Variants in SLC44A3 observed in about 807,000 individuals in gnomAD.
The protein encoded by SLC44A3 is solute carrier family 44 member 3, also known as choline transporter-like protein 3.
A neutral mutation model predicts 75.4 loss-of-function variants in SLC44A3; 74 were observed. The ratio of observed to expected loss-of-function variants is 0.98; its 90% CI spans 0.81 to 1.19. The LOEUF is 1.19. Among genes scored for constraint, SLC44A3 ranks in the 50% most tolerant of loss-of-function variants. The pLI is 0.00. For synonymous variants in SLC44A3, 310 were observed against 296.9 expected, an observed-to-expected ratio of 1.04 and a Z score of -0.45; for missense variants, 700 against 778.6, an observed-to-expected ratio of 0.90 and a Z score of 1.20.
chr1:94,845,371 C>T lies in SLC44A3; in HGVS notation c.979C>T (p.Pro327Ser), dbSNP rs756785788. ...CACAAATAAAGCCATCAGCAGTGCT[C>T]CCTTCCTGCTGTTCCAGCCACTGTG... is the stretch of plus-strand genomic sequence containing the variant. ...QITNKAISSA[P>S]FLLFQPLWTF... is the part of the protein sequence containing the mutation. Residue 327 changes from proline (P) to serine (S), a missense_variant, in exon 9 of 15, where the codon CCC (proline) becomes TCC (serine). Physicochemically the swap from Pro to Ser is moderately conservative, Grantham distance 74. Transcript: ENST00000271227. The T allele has an allele frequency of 5.5e-5, 89 of 1,614,096 alleles. No homozygotes were observed. The South Asian group carries it at 9.4e-4, about 17-fold the overall frequency.
chr1:94,862,622 CT>C (rs1330797406), intron 10 of SLC44A3, among the ~76,000 whole-genome samples: 1 of 152,184 alleles, frequency 6.6e-6, no homozygotes, highest in Non-Finnish European at 1.5e-5. Context: ...AAGGGGGAAG[CT>C]GGGCTTCATG....
chr1:94,843,868 T>C (rs1419843418), intron 8 of SLC44A3, among the ~76,000 whole-genome samples: 1 of 4,790 alleles, frequency 2.1e-4, no homozygotes, highest in Non-Finnish European at 5.5e-4. Context: ...GGGACTGAGG[T>C]GGGGCGGGGT....
chr1:94,868,607 A>G (rs1407293957), intron 12 of SLC44A3, among the ~76,000 whole-genome samples: 1 of 152,230 alleles, frequency 6.6e-6, no homozygotes. Flanking sequence ...GTAAGATGTT[A>G]TAGCTATTGT....
intron 12 of SLC44A3, among the ~76,000 whole-genome samples, chr1:94,880,571 T>C (rs1668844614): frequency 6.6e-6 from 1 of 152,204 alleles, no homozygotes; most frequent in African/African-American, 2.4e-5. Flanking sequence ...TCAAATATGG[T>C]ATTTTGACTA....
At chr1:94,894,284 T>G (rs1670535627) in intron 14 of SLC44A3, among the ~76,000 whole-genome samples, 1 of 152,174 alleles carries the variant, frequency 6.6e-6, no homozygotes, top group African/African-American at 2.4e-5. Flanking sequence ...TGAAGAAGCC[T>G]CAAGAACTCT....
At chr1:94,884,279 G>A (rs1446788925) in intron 12 of SLC44A3, among the ~76,000 whole-genome samples, 1 of 70,944 alleles carries the variant, frequency 1.4e-5, no homozygotes, top group Non-Finnish European at 4.3e-5. Flanking sequence ...ATTCCTGAAG[G>A]GATCTGAACG....
At chr1:94,891,419 T>C (rs1670195171) in intron 13 of SLC44A3, 152 bp downstream of exon 13, 1 of 851,998 alleles carries the variant, frequency 1.2e-6, no homozygotes, top group East Asian at 2.6e-5. Context: ...CCATGAGGTA[T>C]CCCTACTTTG....
intron 10 of SLC44A3, among the ~76,000 whole-genome samples, chr1:94,862,067 C>T (rs778220026): frequency 6.6e-6 from 1 of 152,202 alleles, no homozygotes. Context: ...AAGAGTTACC[C>T]AGGCCAGCTA....
intron 5 of SLC44A3, among the ~76,000 whole-genome samples, chr1:94,830,549 G>C (rs1369958281): frequency 6.6e-6 from 1 of 152,060 alleles, no homozygotes; most frequent in Admixed American, 6.6e-5. Context: ...AATTGTAAAT[G>C]TGTTTATGAT....
chr1:94,821,946 A>C (rs1660653481), intron 2 of SLC44A3, among the ~76,000 whole-genome samples: 1 of 152,164 alleles, frequency 6.6e-6, no homozygotes, highest in Non-Finnish European at 1.5e-5. Context: ...GGCACAGTGG[A>C]AGGTTAGGTC....
intron 7 of SLC44A3, 79 bp from the exon 8 acceptor site, chr1:94,841,921 T>A (rs1318848900): frequency 2.3e-5 from 35 of 1,507,752 alleles, no homozygotes; most frequent in Non-Finnish European, 3.0e-5. Flanking sequence ...GTGGCTGGAC[T>A]TCCTGTGTGA....
intron 9 of SLC44A3, among the ~76,000 whole-genome samples, chr1:94,851,374 CT>C (rs1298073328): frequency 1.3e-5 from 2 of 152,188 alleles, no homozygotes; most frequent in Non-Finnish European, 2.9e-5. Flanking sequence ...CAGTTCTGCT[CT>C]CCAGGCCTGA....
intron 2 of SLC44A3, among the ~76,000 whole-genome samples, chr1:94,824,009 T>A (rs903352891): frequency 6.6e-6 from 1 of 151,992 alleles, no homozygotes; most frequent in Non-Finnish European, 1.5e-5. Flanking sequence ...TGCAGATTGG[T>A]GAACAGTGTT....
At chr1:94,838,455 G>A (rs1370758123) in intron 6 of SLC44A3, among the ~76,000 whole-genome samples, 2 of 152,196 alleles carry the variant, frequency 1.3e-5, no homozygotes, top group Non-Finnish European at 2.9e-5. Context: ...CATTTTCTAT[G>A]TTTCAGTTGG....
At chr1:94,859,960 A>G (rs1193817413) in intron 10 of SLC44A3, among the ~76,000 whole-genome samples, 1 of 152,220 alleles carries the variant, frequency 6.6e-6, no homozygotes, top group Non-Finnish European at 1.5e-5. Context: ...CTAGCAAAAC[A>G]GTGAAGCTCA....
At position 94,888,619 on chromosome 1, in the gene SLC44A3, C is replaced by G. The variant is rs60147658; in HGVS notation, c.1483-2511C>G. 12,437 of 980,528 alleles carry G rather than the reference C, an allele frequency of 0.013. 574 individuals carry two copies. The African/African-American group carries it at 0.13, about 11-fold the overall frequency. 60.7% of individuals were successfully genotyped at this position (980,528 alleles called of 1,614,324 possible). ...CGCACATTCTATGTAAGTCCAAAAC[C>G]AAAATTTCCTTGTGGAACTTTCTTT... On this transcript the variant is annotated intron_variant, in intron 12 of 14. Transcript: ENST00000271227.
intron 5 of SLC44A3, among the ~76,000 whole-genome samples, chr1:94,833,318 T>C (rs993849166): frequency 5.9e-5 from 9 of 152,242 alleles, no homozygotes; most frequent in Non-Finnish European, 1.2e-4. Context: ...TTCGGGGCTC[T>C]TTCAGCTGCA....
At chr1:94,859,079 G>T (rs979840374) in intron 10 of SLC44A3, among the ~76,000 whole-genome samples, 8 of 152,200 alleles carry the variant, frequency 5.3e-5, no homozygotes, top group Non-Finnish European at 1.2e-4. Flanking sequence ...GTTGCCCTTG[G>T]CATTGAGAAC....
chr1:94,882,421 AG>A (rs1669104831), intron 12 of SLC44A3, among the ~76,000 whole-genome samples: 2 of 152,162 alleles, frequency 1.3e-5, no homozygotes, highest in African/African-American at 4.8e-5. Context: ...GTAACAGCCC[AG>A]GCATTCCCCG....
Sources: allele counts gnomAD v4.1 joint callset (sites outside exome capture counted in the v4.1 genomes callset), GRCh38; gene constraint gnomAD v4.1.1; transcripts MANE v1.5; gene names NCBI Gene and HGNC (gene_info 2026-07-23, HGNC 2026-07-21).